BMP1: variants seen among roughly 807,000 people sequenced by gnomAD.
BMP1 encodes the protein mammalian tolloid protein.
A neutral mutation model predicts 116.8 loss-of-function variants in BMP1; 63 were observed. The ratio of observed to expected loss-of-function variants is 0.54; its 90% CI spans 0.44 to 0.67. The LOEUF is 0.67. Ranked by LOEUF, BMP1 falls within the 30% of genes least tolerant of loss-of-function variation. The pLI is 0.00. For missense variants in BMP1, 1,183 were observed against 1,358.9 expected, an observed-to-expected ratio of 0.87 and a Z score of 2.04; for synonymous variants, 536 against 533.4, an observed-to-expected ratio of 1.00 and a Z score of -0.07.
chr8:22,176,838 G>A, intron 4 of BMP1, 123 bp from the exon 5 acceptor site: 3 of 992,788 alleles, frequency 3.0e-6, no homozygotes, highest in Non-Finnish European at 4.5e-6. Flanking sequence ...GGCACTCGGT[G>A]CTCAGGGCCC....
At position 22,176,143 on chromosome 8, in the gene BMP1, T is replaced by A; in HGVS notation, c.263T>A (p.Val88Asp). ...TAGTCACCATGACTTCCTCTCTCAG[T>A]TCCAGGAAACACTTCTACCCCCAGC... is the stretch of plus-strand genomic sequence containing the variant. ...TARKSSIKAA[V>D]PGNTSTPSCQ... The change falls in exon 3 of 20, where the codon GTT (valine) becomes GAT (aspartate). Residue 88 changes from valine (V) to aspartate (D), a missense_variant and splice_region_variant. Val to Asp is a radical substitution (Grantham distance 152). Around this residue, in one of 4 missense-constraint regions of BMP1, gnomAD observed 185 missense variants for 158.9 expected, o/e 1.16. Coordinates refer to ENST00000306385, the MANE Select transcript of BMP1 (RefSeq NM_006129.5). 6.2e-7 allele frequency: 1 copy of A among 1,614,064 alleles called. No individual in the cohort carries two copies. The highest frequency in any genetic ancestry group is 8.5e-7 in the Non-Finnish European group (1 of 1,179,988).
intron 8 of BMP1, among the ~76,000 whole-genome samples, chr8:22,186,049 T>C (rs1828762684): frequency 6.6e-6 from 1 of 152,110 alleles, no homozygotes; most frequent in Non-Finnish European, 1.5e-5. Flanking sequence ...TTGGCCAGGC[T>C]GGTCTCGGAC....
intron 18 of BMP1, among the ~76,000 whole-genome samples, chr8:22,208,144 A>G (rs1829399173): frequency 6.6e-6 from 1 of 152,182 alleles, no homozygotes; most frequent in Admixed American, 6.5e-5. Context: ...TTGGCCTCCC[A>G]AAGTGCTGAG....
chr8:22,181,313 G>A (rs575889371), intron 8 of BMP1, among the ~76,000 whole-genome samples: 4 of 152,156 alleles, frequency 2.6e-5, no homozygotes, highest in East Asian at 1.9e-4. Flanking sequence ...GGCATACTAC[G>A]GGATCGGGTC....
At chr8:22,206,048 G>T (rs1829347231) in intron 16 of BMP1, among the ~76,000 whole-genome samples, 2 of 152,202 alleles carry the variant, frequency 1.3e-5, no homozygotes, top group South Asian at 4.1e-4. Flanking sequence ...GGCTGCTGGA[G>T]ATCAGTGGAT....
intron 15 of BMP1, among the ~76,000 whole-genome samples, chr8:22,200,796 C>G (rs998215399): frequency 6.6e-6 from 1 of 152,134 alleles, no homozygotes; most frequent in Admixed American, 6.5e-5. Context: ...TCCCCTCTAC[C>G]GACGACTCCC....
chr8:22,201,597 T>G, intron 15 of BMP1: 1 of 1,357,096 alleles, frequency 7.4e-7, no homozygotes, highest in Non-Finnish European at 9.7e-7. Flanking sequence ...AGCTGGGCCC[T>G]GCTCAGCTGG....
chr8:22,173,802 C>G, intron 2 of BMP1, 87 bp downstream of exon 2: 1 of 1,096,504 alleles, frequency 9.1e-7, no homozygotes, highest in East Asian at 2.6e-5. Flanking sequence ...CCCAGCCAGG[C>G]CCTCCCAGGA....
intron 4 of BMP1, 57 bp downstream of exon 4, chr8:22,176,707 C>T: frequency 1.3e-6 from 2 of 1,555,350 alleles, no homozygotes; most frequent in South Asian, 1.1e-5. Context: ...CCAGGTTCTG[C>T]CCTGGGCCCT....
chr8:22,208,511 A>G (rs1435378245), intron 18 of BMP1, among the ~76,000 whole-genome samples: 1 of 152,216 alleles, frequency 6.6e-6, no homozygotes, highest in Non-Finnish European at 1.5e-5. Context: ...CTAACTGGGC[A>G]TGTGTTGGTA....
chr8:22,199,193 G>T (rs1563271316), intron 15 of BMP1: 5 of 1,367,604 alleles, frequency 3.7e-6, no homozygotes, highest in Non-Finnish European at 4.9e-6. Context: ...CAAGAAACCT[G>T]CAGAGGACCC....
Position 22,211,826 on chromosome 8 carries a change from C to T in BMP1, c.*98C>T. 1 of 1,569,190 alleles carries T rather than the reference C, an allele frequency of 6.4e-7. No homozygotes were observed. The highest frequency in any genetic ancestry group is 8.7e-7 in the Non-Finnish European group (1 of 1,152,696). ...GGAAGGCAACGCACCATCCCTCTCCCCCAGGCCCCAGGACCTGCAGGGCCA... is the reference window on the plus strand; with the variant it reads ...GGAAGGCAACGCACCATCCCTCTCCTCCAGGCCCCAGGACCTGCAGGGCCA... On this transcript the variant is annotated 3_prime_UTR_variant, in exon 20 of 20. Coordinates refer to ENST00000306385, the MANE Select transcript of BMP1 (RefSeq NM_006129.5).
At position 22,179,760 on chromosome 8, in the gene BMP1, C is replaced by T. The variant is rs1828558349; in HGVS notation, c.892C>T (p.Pro298Ser). The T allele has an allele frequency of 1.2e-6, 2 of 1,614,114 alleles. No individual in the cohort carries two copies. Among genetic ancestry groups the T allele is most frequent in the Non-Finnish European group, 8.5e-7 (1 of 1,179,990 alleles). ...GTATGAGGTGAACGGGGTGAAACCT[C>T]CCATTGGCCAAAGGACACGGCTCAG... ...PKYEVNGVKPPIGQRTRLSKG... is the reference protein window; with the variant it reads ...PKYEVNGVKPSIGQRTRLSKG... Residue 298 changes from proline (P) to serine (S), a missense_variant, in exon 7 of 20, where the codon CCC (proline) becomes TCC (serine). Around this residue, in one of 4 missense-constraint regions of BMP1, gnomAD observed 956 missense variants for 1,135.2 expected, o/e 0.84. Coordinates refer to ENST00000306385, the MANE Select transcript of BMP1 (RefSeq NM_006129.5). The surrounding 1 kb of genome is among the most constrained non-coding windows in gnomAD (Gnocchi z 4.6).
At chr8:22,210,468 T>TCTCTCTCTCTCACACA (rs10664439) in intron 19 of BMP1, among the ~76,000 whole-genome samples, 115 of 135,554 alleles carry the variant, frequency 8.5e-4, no homozygotes, top group African/African-American at 2.4e-3. Context: ...TCTCTCTCTC[T>TCTCTCTCTCTCACACA]CACACACATA....
intron 8 of BMP1, among the ~76,000 whole-genome samples, chr8:22,189,052 G>A (rs1828858020): frequency 6.6e-6 from 1 of 152,182 alleles, no homozygotes; most frequent in South Asian, 2.1e-4. Context: ...AATAACATAT[G>A]CACACAGTAA....
At chr8:22,188,922 G>A (rs555171198) in intron 8 of BMP1, among the ~76,000 whole-genome samples, 1 of 152,240 alleles carries the variant, frequency 6.6e-6, no homozygotes, top group Non-Finnish European at 1.5e-5. Flanking sequence ...GGCAGGCCCA[G>A]GAAGGCCACG....
At chr8:22,171,545 T>A (rs1313165766) in intron 1 of BMP1, 3 of 152,272 alleles carry the variant, frequency 2.0e-5, no homozygotes, top group African/African-American at 7.2e-5. Context: ...GTGTGTTTTT[T>A]AAAAACCGTG....
chr8:22,194,642 G>A lies in BMP1; in HGVS notation c.1443+52G>A. On this transcript the variant is annotated intron_variant, in intron 11 of 19. Transcript: ENST00000306385. This position sits in a 1 kb window ranked among gnomAD's most constrained non-coding sequence, Gnocchi z 4.5. Reference sequence around the variant, plus strand: ...CTTTGAATCCAGCAGTTGCTCCCTGGGACAGCTGCCTCTCTTTGGGCTCCC... The same window carrying A: ...CTTTGAATCCAGCAGTTGCTCCCTGAGACAGCTGCCTCTCTTTGGGCTCCC... 6.9e-6 allele frequency: 11 copies of A among 1,603,662 alleles called. No individual in the cohort carries two copies. Among genetic ancestry groups the A allele is most frequent in the Non-Finnish European group, 9.4e-6 (11 of 1,173,122 alleles).
chr8:22,197,225 TG>T lies in BMP1; in HGVS notation c.1927-12del. On this transcript the variant is annotated splice_polypyrimidine_tract_variant and intron_variant, in intron 14 of 19. Transcript: ENST00000306385. ...TTCCTGGAGGAGGCGGGCCTGGAGC[TG>T]GGCTTCCCTGCAGGTGTGCAAGTAC... 1 of 1,601,354 alleles carries T rather than the reference TG, an allele frequency of 6.2e-7. No individual in the cohort carries two copies. The highest frequency in any genetic ancestry group is 8.5e-7 in the Non-Finnish European group (1 of 1,169,706).
Sources: gnomAD v4.1 joint callset for allele counts (sites outside exome capture counted in the v4.1 genomes callset) on GRCh38, gnomAD v4.1.1 for gene constraint, gnomAD v4.1.1 regional missense constraint, Gnocchi (gnomAD v3.1) non-coding constraint, MANE v1.5 for transcripts, NCBI Gene and HGNC (gene_info 2026-07-23, HGNC 2026-07-21) for gene names.